TRHDE: variants seen among roughly 807,000 people sequenced by gnomAD.
TRHDE encodes the protein thyrotropin-releasing hormone-degrading ectoenzyme.
A neutral mutation model predicts 125.7 loss-of-function variants in TRHDE; 72 were observed. The observed-to-expected ratio is 0.57, with a 90% CI of 0.47 to 0.70. TRHDE has a LOEUF of 0.70. Ranked by LOEUF, TRHDE falls within the 30% of genes least tolerant of loss-of-function variation. TRHDE has a pLI of 0.00. For missense variants in TRHDE, 1,110 were observed against 1,327.1 expected (o/e 0.84, Z 2.54); for synonymous variants, 509 against 509.1 (o/e 1.00, Z 0.00).
chr12:72,327,671 G>A (rs1177166479), intron 2 of TRHDE, among the ~76,000 whole-genome samples: 2 of 151,940 alleles, frequency 1.3e-5, no homozygotes, highest in Non-Finnish European at 1.5e-5. Context: ...GCTTGCAGAC[G>A]AACACTTTTT....
Position 72,575,305 on chromosome 12 carries a change from A to T in TRHDE, c.2182A>T (p.Ile728Phe), listed in dbSNP as rs796052150. Residue 728 changes from isoleucine (I) to phenylalanine (F), a missense_variant, in exon 11 of 19, where the codon ATC becomes TTC. By Grantham distance (21) the Ile-to-Phe change is conservative. Transcript: ENST00000261180. Reference sequence around the variant, plus strand: ...CAAAGGAAGCTGGCTGCTGGGGAACATCAATCAAACTGGCTATTTTAGAGT... The same window carrying T: ...CAAAGGAAGCTGGCTGCTGGGGAACTTCAATCAAACTGGCTATTTTAGAGT... The part of the protein sequence containing the change: ...LDKGSWLLGN[I>F]NQTGYFRVNY... The T allele has an allele frequency of 6.2e-7, 1 of 1,613,522 alleles. No homozygotes were observed. The highest frequency in any genetic ancestry group is 1.3e-5 in the African/African-American group (1 of 74,906).
chr12:72,435,100 T>C (rs1874679370), intron 3 of TRHDE, among the ~76,000 whole-genome samples: 1 of 152,222 alleles, frequency 6.6e-6, no homozygotes, highest in Non-Finnish European at 1.5e-5. Context: ...ATGTTTGTCA[T>C]TGTTGTCAGA....
chr12:72,129,980 G>A (rs1229218205), intron 2 of TRHDE, among the ~76,000 whole-genome samples: 1 of 152,140 alleles, frequency 6.6e-6, no homozygotes, highest in Non-Finnish European at 1.5e-5. Context: ...TAAATGGAGA[G>A]ATATAGTCAT....
chr12:72,289,819 C>G (rs995976658), intron 2 of TRHDE, among the ~76,000 whole-genome samples: 1 of 152,110 alleles, frequency 6.6e-6, no homozygotes, highest in Admixed American at 6.5e-5. Flanking sequence ...TGTGCTAGAG[C>G]TGGGTGGTGG....
At chr12:72,374,482 G>A (rs1871782822) in intron 2 of TRHDE, among the ~76,000 whole-genome samples, 2 of 152,102 alleles carry the variant, frequency 1.3e-5, no homozygotes, top group Admixed American at 1.3e-4. Flanking sequence ...TTATGGCCAT[G>A]AGACTAGATG....
At chr12:72,211,896 A>G (rs989473968) in intron 2 of TRHDE, among the ~76,000 whole-genome samples, 1 of 152,180 alleles carries the variant, frequency 6.6e-6, no homozygotes, top group Admixed American at 6.5e-5. Flanking sequence ...AAACACTTGA[A>G]GTTCAGAAAA....
chr12:72,266,515 C>A (rs1237708426), intron 2 of TRHDE, among the ~76,000 whole-genome samples: 2 of 150,712 alleles, frequency 1.3e-5, no homozygotes, highest in Admixed American at 1.3e-4. Context: ...ATAATTATTT[C>A]TTTGTTCAGG....
intron 1 of TRHDE, 61 bp from the exon 2 acceptor site, chr12:72,286,620 T>C: frequency 1.4e-6 from 2 of 1,463,210 alleles, no homozygotes; most frequent in South Asian, 2.5e-5. Context: ...AAGCATGTAA[T>C]GTGGCCATAA....
At chr12:72,633,644 C>A (rs931493267) in intron 15 of TRHDE, among the ~76,000 whole-genome samples, 2 of 152,026 alleles carry the variant, frequency 1.3e-5, no homozygotes, top group African/African-American at 4.8e-5. Context: ...ACTGACTATG[C>A]GTTTCACTTG....
intron 2 of TRHDE, among the ~76,000 whole-genome samples, chr12:72,329,499 C>T (rs1285261800): frequency 2.0e-5 from 3 of 152,050 alleles, no homozygotes; most frequent in African/African-American, 4.8e-5. Flanking sequence ...CTTTTCTTAC[C>T]GAGTCTTTAA....
intron 1 of TRHDE, among the ~76,000 whole-genome samples, chr12:72,100,230 A>C (rs945988198): frequency 6.6e-6 from 1 of 152,206 alleles, no homozygotes; most frequent in African/African-American, 2.4e-5. Context: ...ATACTGTGTA[A>C]GGCTTTTTAT....
At chr12:72,374,535 A>C (rs1871785686) in intron 2 of TRHDE, among the ~76,000 whole-genome samples, 1 of 152,100 alleles carries the variant, frequency 6.6e-6, no homozygotes, top group African/African-American at 2.4e-5. Flanking sequence ...TAAAGAGATC[A>C]ATGTATTGAA....
At position 72,475,779 on chromosome 12, in the gene TRHDE, C is replaced by G. The variant is rs528673946; in HGVS notation, c.1584+2599C>G. On this transcript the variant is annotated intron_variant, in intron 5 of 18. Coordinates refer to ENST00000261180, the MANE Select transcript of TRHDE (RefSeq NM_013381.3). ...ATATTTAATAATTAAGAAATGAAAA[C>G]TAACAACAGAATAATTACGGTGTCA... Among the ~76,000 whole-genome samples, 65 of 152,236 alleles carry G rather than the reference C, an allele frequency of 4.3e-4. No homozygotes were observed. In the South Asian group the frequency reaches 0.012, roughly 28 times the overall value.
chr12:72,551,863 G>A (rs530776349), intron 7 of TRHDE, among the ~76,000 whole-genome samples: 4 of 152,222 alleles, frequency 2.6e-5, no homozygotes, highest in South Asian at 4.1e-4. Context: ...ACTCTAGATC[G>A]GGTGTTTAGG....
At chr12:72,188,188 G>A (rs763029267) in intron 2 of TRHDE, among the ~76,000 whole-genome samples, 1 of 152,224 alleles carries the variant, frequency 6.6e-6, no homozygotes, top group African/African-American at 2.4e-5. Context: ...TGGAGATGGA[G>A]CAAATTAAAG....
chr12:72,258,941 A>G (rs1412175227), intron 2 of TRHDE, among the ~76,000 whole-genome samples: 1 of 152,144 alleles, frequency 6.6e-6, no homozygotes. Context: ...GATTTTTCCA[A>G]TTACTGGGAG....
intron 3 of TRHDE, chr12:72,432,027 C>G (rs746631275): frequency 1.6e-4 from 26 of 160,344 alleles, no homozygotes; most frequent in Non-Finnish European, 4.1e-5. Flanking sequence ...TTCCTAGGTT[C>G]TTTACCATCG....
chr12:72,669,224 G>C lies in TRHDE; in HGVS notation c.*6029G>C, dbSNP rs530312036. 19 of 151,872 alleles carry C rather than the reference G, an allele frequency of 1.3e-4. No homozygotes were observed. In the South Asian group the frequency reaches 3.5e-3, roughly 28 times the overall value. The allele number at this position is 151,872 out of a possible 1,614,324, so 9.4% of individuals were successfully genotyped here. ...TAAACTTCTGTCTTTGCATGTGGAG[G>C]AGACATATTAGTCTAGCCAGAACTT... is the stretch of plus-strand genomic sequence containing the variant. On this transcript the variant is annotated 3_prime_UTR_variant, in exon 19 of 19. Coordinates refer to ENST00000261180, the MANE Select transcript of TRHDE (RefSeq NM_013381.3).
intron 2 of TRHDE, among the ~76,000 whole-genome samples, chr12:72,153,755 G>T (rs1266684583): frequency 6.6e-6 from 1 of 152,200 alleles, no homozygotes; most frequent in Non-Finnish European, 1.5e-5. Context: ...ACTGTGGTCT[G>T]AGAGACAGTT....
Sources: allele counts gnomAD v4.1 joint callset (sites outside exome capture counted in the v4.1 genomes callset), GRCh38; gene constraint gnomAD v4.1.1; transcripts MANE v1.5; gene names NCBI Gene and HGNC (gene_info 2026-07-23, HGNC 2026-07-21).